Variants in PCDHAC1 observed in about 807,000 individuals in gnomAD.
PCDHAC1 encodes protocadherin alpha subfamily C, 1.
PCDHAC1 carries 42 observed loss-of-function variants against 60.0 expected under a neutral mutation model. That is an observed-to-expected ratio of 0.70 (90% CI 0.55 to 0.90). The LOEUF (loss-of-function observed/expected upper bound fraction) is 0.90. Ranked by LOEUF, PCDHAC1 falls within the 40% of genes least tolerant of loss-of-function variation. The probability of loss-of-function intolerance (pLI) is 0.00; values close to 1 mark genes in which losing one functional copy is unlikely to be tolerated. For missense variants in PCDHAC1, 1,160 were observed against 1,222.3 expected (o/e 0.95, Z 0.76); for synonymous variants, 468 against 499.3 (o/e 0.94, Z 0.84).
chr5:141,000,405 A>C lies in PCDHAC1; in HGVS notation c.2582-9222A>C, dbSNP rs1290838400. Among the ~76,000 whole-genome samples the C allele has an allele frequency of 7.9e-5, 7 of 88,832 alleles. No individual in the cohort carries two copies. In the East Asian group the frequency reaches 9.8e-4, roughly 12 times the overall value. The allele number at this position is 88,832 out of a possible 152,430, so 58.3% of individuals were successfully genotyped here. On this transcript the variant is annotated intron_variant, in intron 3 of 3. Transcript: ENST00000253807. ...TCTCTCTCTCTCTCTCTATATATAT[A>C]TATATATATATATATATTTTTTTTT...
intron 3 of PCDHAC1, chr5:140,989,000 GAGACTTATTAT>G (rs2097324899): frequency 6.6e-6 from 1 of 152,202 alleles, no homozygotes; most frequent in Non-Finnish European, 1.5e-5. Flanking sequence ...TAAGGAAATA[GAGACTTATTAT>G]AGTTTCTTCA....
chr5:140,975,503 CT>C (rs1189456467), intron 1 of PCDHAC1, among the ~76,000 whole-genome samples: 3 of 152,178 alleles, frequency 2.0e-5, no homozygotes, highest in Non-Finnish European at 4.4e-5. Flanking sequence ...TAAAATAGCA[CT>C]ATGCAAAATC....
rs376660293 is a variant in PCDHAC1 at position 141,011,766 on chromosome 5, A to C, written c.*1829A>C. ...ACCAATCTGACCTCTTTGAAGTTGCAGAATGCTTTGAAATTCTAATGGTAT... is the reference window on the plus strand; with the variant it reads ...ACCAATCTGACCTCTTTGAAGTTGCCGAATGCTTTGAAATTCTAATGGTAT... On this transcript the variant is annotated 3_prime_UTR_variant, in exon 4 of 4. Transcript: ENST00000253807. 2.6e-5 allele frequency: 4 copies of C among 153,796 alleles called. No homozygotes were observed. Among genetic ancestry groups the C allele is most frequent in the Non-Finnish European group, 5.9e-5 (4 of 68,044 alleles). 9.5% of individuals were successfully genotyped at this position (153,796 alleles called of 1,614,324 possible).
Position 140,927,723 on chromosome 5 carries a change from A to G in PCDHAC1, c.831A>G (p.Gln277=). 6.2e-7 allele frequency: 1 copy of G among 1,614,220 alleles called. No homozygotes were observed. Among genetic ancestry groups the G allele is most frequent in the Non-Finnish European group, 8.5e-7 (1 of 1,180,028 alleles). ...AGTACTCCCTAAGCAACAGCACGCAAGCAGAGCTGCGACACCGCTTTCACG... is the reference window on the plus strand; with the variant it reads ...AGTACTCCCTAAGCAACAGCACGCAGGCAGAGCTGCGACACCGCTTTCACG... ...EVQYSLSNST[Q]AELRHRFHVH... The change falls in exon 1 of 4, where the codon CAA becomes CAG. Residue 277 remains glutamine, a synonymous_variant. Transcript: ENST00000253807.
intron 1 of PCDHAC1, among the ~76,000 whole-genome samples, chr5:140,973,210 C>T (rs112667484): frequency 0.028 from 4,273 of 152,266 alleles, 188 homozygotes; most frequent in African/African-American, 0.096. Flanking sequence ...CATATTCACC[C>T]TAATTCCAGG....
chr5:140,962,329 T>A (rs1341757607), intron 1 of PCDHAC1, among the ~76,000 whole-genome samples: 1 of 152,250 alleles, frequency 6.6e-6, no homozygotes, highest in Non-Finnish European at 1.5e-5. Context: ...TTGAGAATAC[T>A]GATAAAGAAG....
At chr5:140,978,740 A>G (rs2096821027) in intron 1 of PCDHAC1, among the ~76,000 whole-genome samples, 1 of 152,254 alleles carries the variant, frequency 6.6e-6, no homozygotes, top group Non-Finnish European at 1.5e-5. Flanking sequence ...CTTCCAGGGT[A>G]TCTAATCTGT....
At chr5:141,006,882 G>A (rs1442637421) in intron 3 of PCDHAC1, among the ~76,000 whole-genome samples, 1 of 152,204 alleles carries the variant, frequency 6.6e-6, no homozygotes, top group Non-Finnish European at 1.5e-5. Flanking sequence ...GGAATCAAGA[G>A]TTTGATTTCA....
At chr5:140,956,719 T>C (rs2095305109) in intron 1 of PCDHAC1, among the ~76,000 whole-genome samples, 1 of 152,216 alleles carries the variant, frequency 6.6e-6, no homozygotes, top group Non-Finnish European at 1.5e-5. Context: ...TCAGAAGAAT[T>C]GGTACCAGCT....
At chr5:140,999,933 A>T (rs1554257043) in intron 3 of PCDHAC1, among the ~76,000 whole-genome samples, 1 of 152,124 alleles carries the variant, frequency 6.6e-6, no homozygotes, top group African/African-American at 2.4e-5. Context: ...AGCTCAACTC[A>T]TTCCACCCAA....
chr5:140,948,602 A>G (rs537329393), intron 1 of PCDHAC1, among the ~76,000 whole-genome samples: 2 of 151,590 alleles, frequency 1.3e-5, no homozygotes, highest in Non-Finnish European at 3.0e-5. Context: ...AATTTATCAT[A>G]TTTTTGGCAC....
At position 140,929,307 on chromosome 5, in the gene PCDHAC1, C is replaced by A; in HGVS notation, c.2415C>A (p.His805Gln). Reference sequence around the variant, plus strand: ...AGATTCGGAATAGGAAAGGGGATCACGCTAATGTCAATGCCATGGTAAGCA... The same window carrying A: ...AGATTCGGAATAGGAAAGGGGATCAAGCTAATGTCAATGCCATGGTAAGCA... The part of the protein sequence containing the change: ...CIQIRNRKGD[H>Q]ANVNAMPRQP... The change falls in exon 1 of 4, where the codon CAC becomes CAA. Residue 805 changes from histidine to glutamine, a missense_variant. By Grantham distance (24) the His-to-Gln change is conservative (BLOSUM62 0). Coordinates refer to ENST00000253807, the MANE Select transcript of PCDHAC1 (RefSeq NM_018898.5). 1 of 1,570,164 alleles carries A rather than the reference C, an allele frequency of 6.4e-7. No homozygotes were observed. The highest frequency in any genetic ancestry group is 8.7e-7 in the Non-Finnish European group (1 of 1,153,748).
chr5:140,990,157 T>C (rs113813870), intron 3 of PCDHAC1, among the ~76,000 whole-genome samples: 6 of 152,050 alleles, frequency 3.9e-5, no homozygotes, highest in African/African-American at 1.2e-4. Flanking sequence ...AATAGAAAGT[T>C]AGGGTATGAA....
chr5:140,986,373 G>A (rs376031401), intron 3 of PCDHAC1, among the ~76,000 whole-genome samples: 26 of 152,280 alleles, frequency 1.7e-4, no homozygotes, highest in South Asian at 4.1e-4. Context: ...TGCGTTTTGG[G>A]GGGAGGGACA....
Position 140,926,949 on chromosome 5 carries a change from G to A in PCDHAC1, c.57G>A (p.Ala19=). Residue 19 remains alanine (A), a synonymous_variant, in exon 1 of 4, where the codon GCG becomes GCA. Transcript: ENST00000253807. ...TGTGGGTTTCCTGCGGCGCTGCAGC[G>A]GGACAGCTCGAGTACTCAGTGCCGG... ...LCLWVSCGAA[A]GQLEYSVPEE... 3 of 1,592,316 alleles carry A rather than the reference G, an allele frequency of 1.9e-6. No individual in the cohort carries two copies. The highest frequency in any genetic ancestry group is 2.6e-6 in the Non-Finnish European group (3 of 1,166,128).
chr5:140,966,893 C>CA (rs1554228863), intron 1 of PCDHAC1: 3 of 1,595,686 alleles, frequency 1.9e-6, no homozygotes, highest in African/African-American at 1.3e-5. Context: ...TGCGGCCTCC[C>CA]AGCTGCGATA....
At position 140,928,846 on chromosome 5, in the gene PCDHAC1, C is replaced by A; in HGVS notation, c.1954C>A (p.Leu652Met). ...CCCACCACTTTCCTCCTCTGTCACT[C>A]TGGGTGTGCTGTTGAGCAACTCTGT... ...GDPPLSSSVT[L>M]GVLLSNSVPQ... The change falls in exon 1 of 4, where the codon CTG (leucine) becomes ATG (methionine). Residue 652 changes from leucine to methionine, a missense_variant. Physicochemically the swap from Leu to Met is conservative, Grantham distance 15 (BLOSUM62 2). Coordinates refer to ENST00000253807, the MANE Select transcript of PCDHAC1 (RefSeq NM_018898.5). The A allele has an allele frequency of 1.2e-6, 2 of 1,614,192 alleles. No individual in the cohort carries two copies. Among genetic ancestry groups the A allele is most frequent in the Non-Finnish European group, 1.7e-6 (2 of 1,180,042 alleles).
chr5:140,954,996 A>G (rs879953600), intron 1 of PCDHAC1, among the ~76,000 whole-genome samples: 16 of 152,214 alleles, frequency 1.1e-4, no homozygotes, highest in Non-Finnish European at 1.6e-4. Flanking sequence ...GCATATGGCT[A>G]GCCAATTCTC....
At position 140,957,153 on chromosome 5, in the gene PCDHAC1, A is replaced by G. The variant is rs988889035; in HGVS notation, c.2434-21796A>G. Among the ~76,000 whole-genome samples, 121 of 152,268 alleles carry G rather than the reference A, an allele frequency of 7.9e-4. 1 individual carries two copies. Among genetic ancestry groups the G allele is most frequent in the East Asian group, 3.9e-4 (2 of 5,186 alleles). On this transcript the variant is annotated intron_variant, in intron 1 of 3. Transcript: ENST00000253807. Reference sequence around the variant, plus strand: ...ACACTATGAACTAAAAATTTTGGAGACAAATCTAAGTATATAAATTGGTTT... The same window carrying G: ...ACACTATGAACTAAAAATTTTGGAGGCAAATCTAAGTATATAAATTGGTTT...
Sources: allele counts gnomAD v4.1 joint callset (sites outside exome capture counted in the v4.1 genomes callset), GRCh38; gene constraint gnomAD v4.1.1; transcripts MANE v1.5; gene names NCBI Gene and HGNC (gene_info 2026-07-23, HGNC 2026-07-21).